The following RYR1 variants were observed in gnomAD, a reference collection of about 807,000 sequenced individuals.
RYR1 encodes central core disease of muscle.
RYR1 carries 342 observed loss-of-function variants against 583.5 expected under a neutral mutation model. The ratio of observed to expected loss-of-function variants is 0.59; its 90% CI spans 0.54 to 0.64. RYR1 has a LOEUF of 0.64. Ranked by LOEUF, RYR1 falls within the 30% of genes least tolerant of loss-of-function variation. The probability of loss-of-function intolerance (pLI) is 0.00; values close to 1 mark genes in which losing one functional copy is unlikely to be tolerated. For synonymous variants in RYR1, 2,791 were observed against 2,822.5 expected, an observed-to-expected ratio of 0.99 and a Z score of 0.35; for missense variants, 6,032 against 6,917.2, an observed-to-expected ratio of 0.87 and a Z score of 4.54.
At chr19:38,540,228 A>G (rs1057458201) in intron 84 of RYR1, among the ~76,000 whole-genome samples, 15 of 152,002 alleles carry the variant, frequency 9.9e-5, no homozygotes, top group Non-Finnish European at 1.8e-4. Context: ...TAATCCCAGC[A>G]CTTTAGGAGG....
chr19:38,544,188 C>G (rs1440997058), intron 87 of RYR1, among the ~76,000 whole-genome samples: 1 of 152,192 alleles, frequency 6.6e-6, no homozygotes, highest in Non-Finnish European at 1.5e-5. Context: ...GATGAGTCAT[C>G]GCAGATGTGG....
chr19:38,535,885 G>C (rs112112900), intron 81 of RYR1, 112 bp from the exon 82 acceptor site: 22,752 of 903,878 alleles, frequency 0.025, 605 homozygotes, highest in Admixed American at 0.095. Context: ...TCAGCGCATA[G>C]ATGGTTTACT....
At chr19:38,470,050 C>A (rs1257867621) in intron 27 of RYR1, among the ~76,000 whole-genome samples, 1 of 151,920 alleles carries the variant, frequency 6.6e-6, no homozygotes, top group Non-Finnish European at 1.5e-5. Context: ...CCTGTAATTC[C>A]AGCTACTTAG....
intron 18 of RYR1, among the ~76,000 whole-genome samples, chr19:38,458,849 C>T (rs993799583): frequency 1.3e-5 from 2 of 152,110 alleles, no homozygotes; most frequent in African/African-American, 2.4e-5. Flanking sequence ...GGTCTCCTGA[C>T]CTCAAGTGAT....
chr19:38,433,788 CTGT>C lies in RYR1; in HGVS notation c.-40_-38del. 3 of 1,451,284 alleles carry C rather than the reference CTGT, an allele frequency of 2.1e-6. No homozygotes were observed. Among genetic ancestry groups the C allele is most frequent in the East Asian group, 2.3e-5 (1 of 43,090 alleles). 89.9% of individuals were successfully genotyped at this position (1,451,284 alleles called of 1,614,324 possible). ...CCGCCCAGCCCGCAGCCCCCTCCCT[CTGT>C]TCCCCGACCTCAGACCCTGGGCTTC... On this transcript the variant is annotated 5_prime_UTR_variant, in exon 1 of 106. Coordinates refer to ENST00000359596, the MANE Select transcript of RYR1 (RefSeq NM_000540.3).
chr19:38,489,410 C>G lies in RYR1; in HGVS notation c.5781C>G (p.Leu1927=), dbSNP rs773796528. The G allele has an allele frequency of 4.3e-6, 7 of 1,613,842 alleles. No homozygotes were observed. The Admixed American group carries it at 1.2e-4, about 27-fold the overall frequency. ...AAGAAGGCTTGGAGGAAGGGCTGCTCCAGATGAAGTTGCCAGAGTCTGTGA... is the reference window on the plus strand; with the variant it reads ...AAGAAGGCTTGGAGGAAGGGCTGCTGCAGATGAAGTTGCCAGAGTCTGTGA... ...EKEEGLEEGL[L]QMKLPESVKL... Residue 1927 remains leucine (L), a synonymous_variant, in exon 35 of 106, where the codon CTC becomes CTG. Transcript: ENST00000359596.
intron 89 of RYR1, among the ~76,000 whole-genome samples, chr19:38,556,363 T>A (rs1972879402): frequency 6.6e-6 from 1 of 151,730 alleles, no homozygotes; most frequent in African/African-American, 2.4e-5. Flanking sequence ...ATATCTGTAG[T>A]CCCAGTTACT....
chr19:38,480,349 G>A (rs1968947059), intron 31 of RYR1, among the ~76,000 whole-genome samples: 1 of 151,622 alleles, frequency 6.6e-6, no homozygotes, highest in Non-Finnish European at 1.5e-5. Context: ...TTGCTATGTT[G>A]CCCAGGCTGG....
At chr19:38,519,174 G>A (rs775418963) in intron 66 of RYR1, 40 bp from the exon 67 acceptor site, 16 of 1,613,696 alleles carry the variant, frequency 9.9e-6, no homozygotes, top group Non-Finnish European at 1.3e-5. Context: ...GCCTGTGTCA[G>A]AGGCCGGAGG....
rs764347278 is a variant in RYR1, at chr19:38,505,092, G to T, written c.8310+11G>T. ...TGGGCCTTCGACAAGGTTGGCCTCA[G>T]GGTCCTCCTATCCAAGAAACCCTCA... is the stretch of plus-strand genomic sequence containing the variant. On this transcript the variant is annotated intron_variant, in intron 52 of 105. Coordinates refer to ENST00000359596, the MANE Select transcript of RYR1 (RefSeq NM_000540.3). The T allele has an allele frequency of 6.2e-7, 1 of 1,613,398 alleles. No homozygotes were observed. The highest frequency in any genetic ancestry group is 1.1e-5 in the South Asian group (1 of 91,068).
Position 38,485,798 on chromosome 19 carries a change from A to G in RYR1, c.5143A>G (p.Ile1715Val), listed in dbSNP as rs1969256106. Reference protein sequence around the residue: ...PLRAGYYDLLISIHLESACRS... With the variant: ...PLRAGYYDLLVSIHLESACRS... ...GCGCGCAGGCTACTATGACCTCCTC[A>G]TCAGCATCCACCTCGAAAGTGCCTG... Residue 1715 changes from isoleucine (I) to valine (V), a missense_variant, in exon 34 of 106, where the codon ATC becomes GTC. Physicochemically the swap from Ile to Val is conservative, Grantham distance 29. Around this residue, in one of 11 missense-constraint regions of RYR1, gnomAD observed 2,627 missense variants for 2,961.3 expected, o/e 0.89. Coordinates refer to ENST00000359596, the MANE Select transcript of RYR1 (RefSeq NM_000540.3). 1.9e-6 allele frequency: 3 copies of G among 1,613,278 alleles called. No individual in the cohort carries two copies. The highest frequency in any genetic ancestry group is 4.5e-5 in the East Asian group (2 of 44,876).
intron 66 of RYR1, among the ~76,000 whole-genome samples, chr19:38,518,209 CAGGA>C (rs74176446): frequency 0.022 from 3,313 of 151,222 alleles, 60 homozygotes; most frequent in Admixed American, 0.04. Flanking sequence ...GGAAGGAAGG[CAGGA>C]AGGAAGGAAG....
intron 71 of RYR1, 73 bp from the exon 72 acceptor site, chr19:38,526,920 G>T: frequency 6.5e-7 from 1 of 1,539,672 alleles, no homozygotes; most frequent in South Asian, 1.1e-5. Flanking sequence ...TGCTGGGCCT[G>T]GAAGGAAAGG....
chr19:38,499,256 T>A lies in RYR1; in HGVS notation c.7027+13T>A. The stretch of plus-strand genomic sequence containing the variant: ...GTCTTCGTCAACGGTGAGGAGGGGG[T>A]GGCAGTGGCAGAGCGGGAAGTATGG... On this transcript the variant is annotated intron_variant, in intron 43 of 105. Coordinates refer to ENST00000359596, the MANE Select transcript of RYR1 (RefSeq NM_000540.3). This position sits in a 1 kb window ranked among gnomAD's most constrained non-coding sequence, Gnocchi z 7.3. The A allele has an allele frequency of 1.9e-6, 3 of 1,613,610 alleles. No individual in the cohort carries two copies. Among genetic ancestry groups the A allele is most frequent in the Non-Finnish European group, 1.7e-6 (2 of 1,179,736 alleles).
Position 38,444,326 on chromosome 19 carries a change from A to C in RYR1, c.537+65A>C. 2.4e-5 allele frequency: 32 copies of C among 1,319,582 alleles called. No individual in the cohort carries two copies. The highest frequency in any genetic ancestry group is 3.2e-5 in the Non-Finnish European group (30 of 925,246). The allele number at this position is 1,319,582 out of a possible 1,614,324, so 81.7% of individuals were successfully genotyped here. On this transcript the variant is annotated intron_variant, in intron 6 of 105. Coordinates refer to ENST00000359596, the MANE Select transcript of RYR1 (RefSeq NM_000540.3). This position sits in a 1 kb window ranked among gnomAD's most constrained non-coding sequence, Gnocchi z 5.1. ...CGCATGGGATGGTCCCCATCTTCTC[A>C]CCATGGGTTTGCCTGGCTGATCTCC...
Position 38,543,446 on chromosome 19 carries a change from G to C in RYR1, c.11778+11G>C. 6.2e-7 allele frequency: 1 copy of C among 1,614,236 alleles called. No homozygotes were observed. Among genetic ancestry groups the C allele is most frequent in the Non-Finnish European group, 8.5e-7 (1 of 1,180,044 alleles). On this transcript the variant is annotated intron_variant, in intron 85 of 105. Coordinates refer to ENST00000359596, the MANE Select transcript of RYR1 (RefSeq NM_000540.3). This position sits in a 1 kb window ranked among gnomAD's most constrained non-coding sequence, Gnocchi z 4.4. ...CTCCTGCGGCTGCAGGTGAGGACGT[G>C]AGACGGTTCAGGTGTGACTTGGGTC...
At chr19:38,493,889 T>C (rs1969676452) in intron 38 of RYR1, among the ~76,000 whole-genome samples, 1 of 152,172 alleles carries the variant, frequency 6.6e-6, no homozygotes, top group Non-Finnish European at 1.5e-5. Flanking sequence ...GGCGAAGTGC[T>C]TCTGGTCGGC....
chr19:38,536,826 T>TC, intron 83 of RYR1, 59 bp downstream of exon 83: 2 of 1,545,324 alleles, frequency 1.3e-6, no homozygotes, highest in Non-Finnish European at 8.9e-7. Flanking sequence ...CCTAACCCCG[T>TC]CCACCCCTCC....
At chr19:38,527,832 T>C in intron 73 of RYR1, 48 bp downstream of exon 73, 1 of 1,576,748 alleles carries the variant, frequency 6.3e-7, no homozygotes, top group Non-Finnish European at 8.7e-7. Flanking sequence ...GGGCGGAGCC[T>C]GGCGGGGGGA....
Sources: gnomAD v4.1 joint callset for allele counts (sites outside exome capture counted in the v4.1 genomes callset) on GRCh38, gnomAD v4.1.1 for gene constraint, gnomAD v4.1.1 regional missense constraint, Gnocchi (gnomAD v3.1) non-coding constraint, MANE v1.5 for transcripts, NCBI Gene and HGNC (gene_info 2026-07-23, HGNC 2026-07-21) for gene names.